DPP6: variants seen among roughly 807,000 people sequenced by gnomAD.
DPP6 encodes A-type potassium channel modulatory protein DPP6.
Under a neutral mutation model 122.6 loss-of-function variants are expected in DPP6, and 69 were observed. That is an observed-to-expected ratio of 0.56 (90% CI 0.46 to 0.69). DPP6 has a LOEUF of 0.69. Ranked by LOEUF, DPP6 falls within the 30% of genes least tolerant of loss-of-function variation. The pLI is 0.00. For missense variants in DPP6, 928 were observed against 1,116.9 expected, an observed-to-expected ratio of 0.83 and a Z score of 2.41; for synonymous variants, 418 against 433.1, an observed-to-expected ratio of 0.97 and a Z score of 0.43.
intron 1 of DPP6, among the ~76,000 whole-genome samples, chr7:154,245,577 A>C (rs922499751): frequency 2.1e-5 from 3 of 146,320 alleles, no homozygotes; most frequent in African/African-American, 7.5e-5. Flanking sequence ...TGGAGGTTGC[A>C]GTGAGCTGAG....
At chr7:154,530,597 T>A (rs1317303082) in intron 3 of DPP6, among the ~76,000 whole-genome samples, 1 of 152,136 alleles carries the variant, frequency 6.6e-6, no homozygotes, top group Non-Finnish European at 1.5e-5. Flanking sequence ...TTCCTCAAGA[T>A]CTAGAAGCAG....
At position 154,618,574 on chromosome 7, in the gene DPP6, G is replaced by T. The variant is rs917813996; in HGVS notation, c.628-19247G>T. Among the ~76,000 whole-genome samples, 1 of 152,122 alleles carries T rather than the reference G, an allele frequency of 6.6e-6. No individual in the cohort carries two copies. Among genetic ancestry groups the T allele is most frequent in the Non-Finnish European group, 1.5e-5 (1 of 68,036 alleles). On this transcript the variant is annotated intron_variant, in intron 5 of 25. Transcript: ENST00000377770. This position sits in a 1 kb window ranked among gnomAD's most constrained non-coding sequence, Gnocchi z 4.1. Reference sequence around the variant, plus strand: ...AGCCCTGCATTTTCCTCATATGAAAGCAGAAACCCACAGAGTTTATGATGT... The same window carrying T: ...AGCCCTGCATTTTCCTCATATGAAATCAGAAACCCACAGAGTTTATGATGT...
chr7:154,676,281 G>A (rs1490866485), intron 7 of DPP6, among the ~76,000 whole-genome samples: 3 of 133,678 alleles, frequency 2.2e-5, no homozygotes, highest in Non-Finnish European at 4.9e-5. Context: ...GCTGTCTGGA[G>A]GTCCAGCTGC....
At chr7:154,181,062 T>TG (rs1404347987) in intron 1 of DPP6, among the ~76,000 whole-genome samples, 1 of 152,178 alleles carries the variant, frequency 6.6e-6, no homozygotes, top group African/African-American at 2.4e-5. Context: ...TTGCTTAACT[T>TG]GCGACTTCTC....
intron 1 of DPP6, among the ~76,000 whole-genome samples, chr7:154,034,981 A>C (rs1799445128): frequency 6.6e-6 from 1 of 151,246 alleles, no homozygotes; most frequent in Admixed American, 6.6e-5. Context: ...CATATGCAAA[A>C]TGGACAAAGC....
rs1834930136 is a variant in DPP6 at position 154,624,342 on chromosome 7, A to AG, written c.628-13479_628-13478insG. 6.6e-6 allele frequency among the ~76,000 whole-genome samples: 1 copy of AG among 150,406 alleles called. No individual in the cohort carries two copies. The highest frequency in any genetic ancestry group is 2.4e-5 in the African/African-American group (1 of 40,848). Reference sequence around the variant, plus strand: ...ACTCCATCTTAAAAAAAAAAAAAAAATCAGCTTGGTGTGGTGGTAGGTGCC... The same window carrying AG: ...ACTCCATCTTAAAAAAAAAAAAAAAAGTCAGCTTGGTGTGGTGGTAGGTGCC... On this transcript the variant is annotated intron_variant, in intron 5 of 25. Transcript: ENST00000377770. This position sits in a 1 kb window ranked among gnomAD's most constrained non-coding sequence, Gnocchi z 4.7.
At chr7:153,981,879 C>T (rs1384122671) in intron 1 of DPP6, among the ~76,000 whole-genome samples, 2 of 151,726 alleles carry the variant, frequency 1.3e-5, no homozygotes, top group Non-Finnish European at 2.9e-5. Context: ...CCCCCACTCT[C>T]TTCTGGCTTG....
At chr7:154,473,130 T>C (rs1347853169) in intron 2 of DPP6, among the ~76,000 whole-genome samples, 1 of 152,236 alleles carries the variant, frequency 6.6e-6, no homozygotes, top group African/African-American at 2.4e-5. Context: ...ATTATTATTT[T>C]CTGACCACGT....
At chr7:154,023,358 A>ACACACACACT in intron 1 of DPP6, among the ~76,000 whole-genome samples, 1 of 150,922 alleles carries the variant, frequency 6.6e-6, no homozygotes, top group Non-Finnish European at 1.5e-5. Context: ...ACACACACAC[A>ACACACACACT]CACTTCTTAA....
At chr7:154,224,328 A>G (rs1800474417) in intron 1 of DPP6, among the ~76,000 whole-genome samples, 2 of 148,986 alleles carry the variant, frequency 1.3e-5, no homozygotes, top group Non-Finnish European at 2.9e-5. Flanking sequence ...TCTCAAAAAT[A>G]TAAAAAAATC....
At chr7:154,442,379 GT>G (rs1229917675) in intron 1 of DPP6, among the ~76,000 whole-genome samples, 2 of 152,208 alleles carry the variant, frequency 1.3e-5, no homozygotes, top group East Asian at 3.8e-4. Flanking sequence ...TTGTGATTGT[GT>G]CCAGGGGGAA....
chr7:154,826,012 A>G (rs1056594913), intron 16 of DPP6, among the ~76,000 whole-genome samples: 1 of 152,204 alleles, frequency 6.6e-6, no homozygotes, highest in African/African-American at 2.4e-5. Context: ...CTAGTGAGTA[A>G]CTGCAGAGGA....
the DPP6 span, among the ~76,000 whole-genome samples, chr7:153,762,218 A>T: frequency 1.3e-5 from 2 of 152,228 alleles, no homozygotes; most frequent in Admixed American, 6.5e-5. Flanking sequence ...CGGAGAATAG[A>T]TTCTAATTCC....
intron 13 of DPP6, 64 bp from the exon 14 acceptor site, chr7:154,803,800 T>C: frequency 6.4e-7 from 1 of 1,559,966 alleles, no homozygotes; most frequent in Non-Finnish European, 8.7e-7. Flanking sequence ...AGTTGGAGGA[T>C]GAAGAGCCAT....
intron 7 of DPP6, among the ~76,000 whole-genome samples, chr7:154,697,599 T>C (rs528218698): frequency 4.6e-5 from 7 of 152,342 alleles, no homozygotes; most frequent in South Asian, 4.1e-4. Context: ...GGATACGTTA[T>C]GGGAGAGGAG....
At position 154,685,272 on chromosome 7, in the gene DPP6, T is replaced by C. The variant is rs142061659; in HGVS notation, c.762+15831T>C. On this transcript the variant is annotated intron_variant, in intron 7 of 25. Transcript: ENST00000377770. ...TCCTTTTTTCCAATAACCCTAAAAT[T>C]TTACTAGCCAACGGTTCAACAGCCT... 2.8e-3 allele frequency among the ~76,000 whole-genome samples: 422 copies of C among 152,312 alleles called. 2 individuals are homozygous for C. Among genetic ancestry groups the C allele is most frequent in the Middle Eastern group, 6.8e-3 (2 of 294 alleles).
chr7:154,336,115 T>A (rs1809394915), intron 1 of DPP6, among the ~76,000 whole-genome samples: 1 of 152,056 alleles, frequency 6.6e-6, no homozygotes, highest in Non-Finnish European at 1.5e-5. Flanking sequence ...GTCACTTTCC[T>A]GAGCCTGCAT....
the DPP6 span, among the ~76,000 whole-genome samples, chr7:153,778,865 A>G: frequency 2.7e-5 from 4 of 149,424 alleles, no homozygotes; most frequent in African/African-American, 5.1e-5. Context: ...GACTGTGCAC[A>G]CACCAGGCCT....
At chr7:153,992,424 ATATAG>A (rs1405210472) in intron 1 of DPP6, among the ~76,000 whole-genome samples, 8 of 151,722 alleles carry the variant, frequency 5.3e-5, no homozygotes, top group African/African-American at 1.5e-4. Context: ...CATTTACTAC[ATATAG>A]TAAAGTGACC....
Sources: gnomAD v4.1 joint callset for allele counts (sites outside exome capture counted in the v4.1 genomes callset) on GRCh38, gnomAD v4.1.1 for gene constraint, Gnocchi (gnomAD v3.1) non-coding constraint, MANE v1.5 for transcripts, NCBI Gene and HGNC (gene_info 2026-07-23, HGNC 2026-07-21) for gene names.